CDK5RAP2: variants seen among roughly 807,000 people sequenced by gnomAD.
The protein encoded by CDK5RAP2 is CDK5 regulatory subunit-associated protein 2.
Under a neutral mutation model 232.9 loss-of-function variants are expected in CDK5RAP2, and 147 were observed. The ratio of observed to expected loss-of-function variants is 0.63; its 90% CI spans 0.55 to 0.72. The LOEUF (loss-of-function observed/expected upper bound fraction) is 0.72. Among genes scored for constraint, CDK5RAP2 ranks in the 30% least tolerant of loss-of-function variants. CDK5RAP2 has a pLI of 0.00. For missense variants in CDK5RAP2, 2,195 were observed against 2,231.5 expected (o/e 0.98, Z 0.33); for synonymous variants, 833 against 833.7 (o/e 1.00, Z 0.01).
chr9:120,527,623 T>C (rs2131899175), intron 10 of CDK5RAP2, among the ~76,000 whole-genome samples, 183 bp downstream of exon 10: 1 of 152,334 alleles, frequency 6.6e-6, no homozygotes. Context: ...GATATTTCTA[T>C]TGGACAGCAC....
chr9:120,554,982 C>T (rs2132082932), intron 3 of CDK5RAP2, among the ~76,000 whole-genome samples: 1 of 152,000 alleles, frequency 6.6e-6, no homozygotes, highest in East Asian at 1.9e-4. Flanking sequence ...TTGCAACATG[C>T]AAAATCATGT....
Position 120,407,030 on chromosome 9 carries a change from G to A in CDK5RAP2, c.4945C>T (p.Leu1649Phe), listed in dbSNP as rs200829663. 52 of 1,613,808 alleles carry A rather than the reference G, an allele frequency of 3.2e-5. No homozygotes were observed. In the Admixed American group the frequency reaches 5.0e-4, roughly 16 times the overall value. ...GCAGTACCGTGTTTGTCAGGCTGAA[G>A]GGGCACCTCAGGGATGGACACGGCT... The part of the protein sequence containing the change: ...VQAVSIPEVP[L>F]QPDKHDGDKY... Residue 1649 changes from leucine (L) to phenylalanine (F), a missense_variant, in exon 32 of 38, where the codon CTT (leucine) becomes TTT (phenylalanine). By Grantham distance (22) the Leu-to-Phe change is conservative (BLOSUM62 0). Transcript: ENST00000349780.
intron 25 of CDK5RAP2, among the ~76,000 whole-genome samples, chr9:120,425,245 C>T (rs191685796): frequency 2.0e-5 from 3 of 152,320 alleles, no homozygotes; most frequent in Admixed American, 2.0e-4. Context: ...TGTATTCCAC[C>T]CGTTCCCCTA....
In CDK5RAP2 at chr9:120,477,367, A is replaced by C; in HGVS notation, c.1710T>G (p.Ser570=). 3 of 1,613,514 alleles carry C rather than the reference A, an allele frequency of 1.9e-6. No individual in the cohort carries two copies. Among genetic ancestry groups the C allele is most frequent in the Non-Finnish European group, 2.5e-6 (3 of 1,179,596 alleles). ...ACGCTTACCTGTCTGATTCCTGCAGAGATTTGACCAGATGGGTATAGATGT... is the reference window on the plus strand; with the variant it reads ...ACGCTTACCTGTCTGATTCCTGCAGCGATTTGACCAGATGGGTATAGATGT... ...EQDIYTHLVK[S]LQESDSINNL... is the part of the protein sequence containing the mutation. Residue 570 remains serine (S), a synonymous_variant, in exon 15 of 38, where the codon TCT becomes TCG. Coordinates refer to ENST00000349780, the MANE Select transcript of CDK5RAP2 (RefSeq NM_018249.6).
chr9:120,571,900 C>T (rs2042867979), intron 2 of CDK5RAP2, 74 bp downstream of exon 2: 1 of 1,210,452 alleles, frequency 8.3e-7, no homozygotes, highest in Non-Finnish European at 1.2e-6. Flanking sequence ...GATATGAAAG[C>T]TCAAGATGCT....
At position 120,448,123 on chromosome 9, in the gene CDK5RAP2, C is replaced by A. The variant is rs767969293; in HGVS notation, c.2797G>T (p.Ala933Ser). ...LSLPGITNREAKKSRLPILIK... is the reference protein window; with the variant it reads ...LSLPGITNRESKKSRLPILIK... Reference sequence around the variant, plus strand: ...AGGATTGGCAAGCGGGACTTCTTAGCCTCCTGAAAACACACATATGCAACA... The same window carrying A: ...AGGATTGGCAAGCGGGACTTCTTAGACTCCTGAAAACACACATATGCAACA... The change falls in exon 22 of 38, where the codon GCT becomes TCT. Residue 933 changes from alanine to serine, a missense_variant. Transcript: ENST00000349780. The A allele has an allele frequency of 1.2e-6, 2 of 1,611,892 alleles. No individual in the cohort carries two copies. Among genetic ancestry groups the A allele is most frequent in the Non-Finnish European group, 1.7e-6 (2 of 1,178,072 alleles).
In CDK5RAP2 at chr9:120,470,121, A is replaced by C; in HGVS notation, c.1958T>G (p.Leu653Arg). 6.6e-7 allele frequency: 1 copy of C among 1,521,792 alleles called. No individual in the cohort carries two copies. The highest frequency in any genetic ancestry group is 9.1e-7 in the Non-Finnish European group (1 of 1,099,472). 94.3% of individuals were successfully genotyped at this position (1,521,792 alleles called of 1,614,324 possible). Residue 653 changes from leucine (L) to arginine (R), a missense_variant, in exon 17 of 38, where the codon CTT becomes CGT. Leu to Arg is a moderately radical substitution (Grantham distance 102, BLOSUM62 -2). Coordinates refer to ENST00000349780, the MANE Select transcript of CDK5RAP2 (RefSeq NM_018249.6). The part of the protein sequence containing the change: ...FQVEHFSQEE[L>R]KKKVSDLIQL... ...TTAATAGGTCAATACCTTTTTCTTA[A>C]GTTCTTCTTGAGAAAAATGTTCCAC...
rs377601879 is a variant in CDK5RAP2, at chr9:120,471,868, G to C, written c.1738C>G (p.Leu580Val). Residue 580 changes from leucine to valine, a missense_variant, in exon 16 of 38, where the codon CTG (leucine) becomes GTG (valine). Physicochemically the swap from Leu to Val is conservative, Grantham distance 32. Coordinates refer to ENST00000349780, the MANE Select transcript of CDK5RAP2 (RefSeq NM_018249.6). ...SLQESDSINN[L>V]QAELNKIFAL... ...AAAATCTTGTTTAACTCAGCCTGCA[G>C]GTTGTTGATACTTGGTAAAACAAGA... is the stretch of plus-strand genomic sequence containing the variant. The C allele has an allele frequency of 3.7e-6, 6 of 1,613,996 alleles. No homozygotes were observed. In the African/African-American group the frequency reaches 8.0e-5, roughly 22 times the overall value.
Position 120,407,154 on chromosome 9 carries a change from C to G in CDK5RAP2, c.4821G>C (p.Arg1607Ser), listed in dbSNP as rs16909747. The change falls in exon 32 of 38, where the codon AGG (arginine) becomes AGC (serine). Residue 1607 changes from arginine (R) to serine (S), a missense_variant. Arg to Ser is a moderately radical substitution (Grantham distance 110). Coordinates refer to ENST00000349780, the MANE Select transcript of CDK5RAP2 (RefSeq NM_018249.6). ...GCAGAGTGCTGCTGGTTTCGATGCT[C>G]CTTTCTAGTTGCAAGCGCAGAGCCT... Reference protein sequence around the residue: ...EIQALRLQLERSIETSSTLQS... With the variant: ...EIQALRLQLESSIETSSTLQS... 2.7e-3 allele frequency: 4,286 copies of G among 1,614,042 alleles called. 102 individuals carry two copies. In the African/African-American group the frequency reaches 0.049, roughly 18 times the overall value.
In CDK5RAP2 at chr9:120,411,397, TC is replaced by T. The variant is rs753432907; in HGVS notation, c.4374del (p.Asn1459ThrfsTer31). On this transcript the variant is annotated frameshift_variant, in exon 29 of 38. Transcript: ENST00000349780. LOFTEE classifies it high-confidence loss of function. ...LTSEIHFLRK[Q>X]NQALNAMLIK... ...ATGAGCATTGCATTGAGGGCCTGGT[TC>T]TGCTTCCTCAAGAAATGAATTTCTG... 1 of 1,613,064 alleles carries T rather than the reference TC, an allele frequency of 6.2e-7. No individual in the cohort carries two copies. The highest frequency in any genetic ancestry group is 8.5e-7 in the Non-Finnish European group (1 of 1,178,986).
rs1201912224 is a variant in CDK5RAP2 at position 120,448,074 on chromosome 9, C to T, written c.2846G>A (p.Gly949Glu). ...PILIKPSRSLGNMYRLPATQE... is the reference protein window; with the variant it reads ...PILIKPSRSLENMYRLPATQE... ...GGTGGCAGGGAGACGATACATATTT[C>T]CTAATGACCGGGATGGTTTTATTAG... The change falls in exon 22 of 38, where the codon GGA (glycine) becomes GAA (glutamate). Residue 949 changes from glycine (G) to glutamate (E), a missense_variant. By Grantham distance (98) the Gly-to-Glu change is moderately conservative. Transcript: ENST00000349780. The T allele has an allele frequency of 3.1e-6, 5 of 1,614,096 alleles. No individual in the cohort carries two copies. The East Asian group carries it at 1.1e-4, about 36-fold the overall frequency.
At chr9:120,391,815 C>A (rs573242883) in intron 36 of CDK5RAP2, among the ~76,000 whole-genome samples, 38 of 152,284 alleles carry the variant, frequency 2.5e-4, no homozygotes, top group Non-Finnish European at 4.4e-4. Flanking sequence ...TTCTCCTAGT[C>A]CCTTTAGACC....
At chr9:120,418,421 T>A (rs1177472939) in intron 27 of CDK5RAP2, among the ~76,000 whole-genome samples, 1 of 152,206 alleles carries the variant, frequency 6.6e-6, no homozygotes, top group African/African-American at 2.4e-5. Flanking sequence ...CCCGTTTAAA[T>A]AATTTGGGTT....
Position 120,491,492 on chromosome 9 carries a change from T to A in CDK5RAP2, c.1312-15A>T, listed in dbSNP as rs754972214. On this transcript the variant is annotated splice_polypyrimidine_tract_variant and intron_variant, in intron 12 of 37. Transcript: ENST00000349780. ...TTTCTAAGATCCTACCAGAAGAAAATGAAAAAATGGAATTTACTTGACAAA... is the reference window on the plus strand; with the variant it reads ...TTTCTAAGATCCTACCAGAAGAAAAAGAAAAAATGGAATTTACTTGACAAA... 1 of 1,596,576 alleles carries A rather than the reference T, an allele frequency of 6.3e-7. No individual in the cohort carries two copies. The highest frequency in any genetic ancestry group is 8.6e-7 in the Non-Finnish European group (1 of 1,168,390).
intron 31 of CDK5RAP2, chr9:120,408,108 A>C: frequency 1.9e-6 from 1 of 538,670 alleles, no homozygotes; most frequent in Non-Finnish European, 3.4e-6. Flanking sequence ...ATAGCTGGGA[A>C]CAAGTGAGTG....
intron 22 of CDK5RAP2, among the ~76,000 whole-genome samples, chr9:120,445,548 G>A (rs2036140276): frequency 2.0e-5 from 3 of 152,266 alleles, no homozygotes; most frequent in African/African-American, 7.2e-5. Context: ...CTCCCTTCAA[G>A]TACACCAATG....
chr9:120,392,318 C>T (rs549334126), intron 36 of CDK5RAP2, among the ~76,000 whole-genome samples: 2 of 152,158 alleles, frequency 1.3e-5, no homozygotes, highest in Non-Finnish European at 2.9e-5. Context: ...GATGAGGAAT[C>T]GAAAGCTTAG....
At chr9:120,496,715 C>T (rs1303085751) in intron 12 of CDK5RAP2, among the ~76,000 whole-genome samples, 2 of 129,384 alleles carry the variant, frequency 1.5e-5, no homozygotes, top group African/African-American at 6.9e-5. Flanking sequence ...CCCGGCCAGC[C>T]GCCCCGTTCG....
intron 24 of CDK5RAP2, 79 bp from the exon 25 acceptor site, chr9:120,437,606 GAC>G (rs2035661180): frequency 9.7e-7 from 1 of 1,033,664 alleles, no homozygotes; most frequent in Non-Finnish European, 1.5e-6. Flanking sequence ...TTGGAAAAAT[GAC>G]AGAGTACAAT....
Sources: gnomAD v4.1 joint callset for allele counts (sites outside exome capture counted in the v4.1 genomes callset) on GRCh38, gnomAD v4.1.1 for gene constraint, MANE v1.5 for transcripts, NCBI Gene and HGNC (gene_info 2026-07-23, HGNC 2026-07-21) for gene names.